IQCJ: variants seen among roughly 807,000 people sequenced by gnomAD.
The protein encoded by IQCJ is IQ domain-containing protein J.
A neutral mutation model predicts 11.0 loss-of-function variants in IQCJ; 9 were observed. The observed-to-expected ratio is 0.82, with a 90% confidence interval of 0.49 to 1.43. The LOEUF (loss-of-function observed/expected upper bound fraction) is 1.43, where lower values mean the gene tolerates loss of function less well. Among genes scored for constraint, IQCJ ranks in the 40% most tolerant of loss-of-function variants. The pLI is 0.00. For missense variants in IQCJ, 146 were observed against 133.2 expected, an observed-to-expected ratio of 1.10 and a Z score of -0.47; for synonymous variants, 55 against 51.3, an observed-to-expected ratio of 1.07 and a Z score of -0.31.
chr3:159,149,923 C>A (rs78207624), intron 1 of IQCJ, among the ~76,000 whole-genome samples: 132 of 152,298 alleles, frequency 8.7e-4, no homozygotes, highest in Middle Eastern at 6.8e-3. Context: ...ACTTTACCTG[C>A]CAGTATGCCA....
intron 1 of IQCJ, among the ~76,000 whole-genome samples, chr3:159,223,336 C>T (rs1023598634): frequency 3.3e-5 from 5 of 151,868 alleles, no homozygotes; most frequent in African/African-American, 1.2e-4. Context: ...ATAGATATAA[C>T]AAAACTATTT....
intron 1 of IQCJ, among the ~76,000 whole-genome samples, chr3:159,233,606 A>G (rs1726398128): frequency 6.6e-6 from 1 of 152,220 alleles, no homozygotes; most frequent in South Asian, 2.1e-4. Context: ...TTAATCATCA[A>G]GCTTTGAAAT....
chr3:159,244,635 G>C (rs1394410015), intron 1 of IQCJ, among the ~76,000 whole-genome samples: 1 of 152,194 alleles, frequency 6.6e-6, no homozygotes, highest in Non-Finnish European at 1.5e-5. Context: ...GGAGATACAG[G>C]ATTTTGCTGA....
intron 1 of IQCJ, among the ~76,000 whole-genome samples, chr3:159,150,017 TC>T (rs1560004031): frequency 1.3e-5 from 2 of 152,156 alleles, no homozygotes; most frequent in Non-Finnish European, 2.9e-5. Flanking sequence ...GCCTAGCACT[TC>T]CCACCCACCA....
intron 1 of IQCJ, among the ~76,000 whole-genome samples, chr3:159,107,375 T>C (rs750850622): frequency 6.6e-6 from 1 of 152,206 alleles, no homozygotes; most frequent in Non-Finnish European, 1.5e-5. Context: ...AGACAGCAAA[T>C]GTGCTGGCAC....
At chr3:159,198,714 A>T (rs1724140536) in intron 1 of IQCJ, among the ~76,000 whole-genome samples, 1 of 152,182 alleles carries the variant, frequency 6.6e-6, no homozygotes, top group Non-Finnish European at 1.5e-5. Flanking sequence ...AGACAAGATA[A>T]TCAAGCAAAA....
chr3:159,178,061 A>T (rs1041607490), intron 1 of IQCJ, among the ~76,000 whole-genome samples: 7 of 152,218 alleles, frequency 4.6e-5, no homozygotes, highest in Admixed American at 2.6e-4. Context: ...GAAGCAAAGC[A>T]AATATAGTTC....
At chr3:159,089,110 G>A (rs1717032778) in intron 1 of IQCJ, among the ~76,000 whole-genome samples, 1 of 152,152 alleles carries the variant, frequency 6.6e-6, no homozygotes, top group African/African-American at 2.4e-5. Flanking sequence ...TTTAGGGCAG[G>A]CCTGGTGGTG....
rs533156374 is a variant in IQCJ, at chr3:159,083,513, A to G, written c.9+14072A>G. 2.6e-5 allele frequency among the ~76,000 whole-genome samples: 4 copies of G among 152,280 alleles called. No individual in the cohort carries two copies. The East Asian group carries it at 5.8e-4, about 22-fold the overall frequency. On this transcript the variant is annotated intron_variant, in intron 1 of 3. Coordinates refer to ENST00000397832, the MANE Select transcript of IQCJ (RefSeq NM_001042706.3). ...ACTGGACCACTCAGACACTGGTGAG[A>G]ATATAATGTGGTACAACCACTCTAG...
intron 1 of IQCJ, among the ~76,000 whole-genome samples, chr3:159,078,746 T>G (rs1279840909): frequency 6.6e-6 from 1 of 152,130 alleles, no homozygotes; most frequent in Non-Finnish European, 1.5e-5. Context: ...TTAAGGAACC[T>G]CTAATAAAAT....
intron 1 of IQCJ, among the ~76,000 whole-genome samples, chr3:159,095,284 T>G (rs1285206105): frequency 6.6e-6 from 1 of 151,896 alleles, no homozygotes; most frequent in Non-Finnish European, 1.5e-5. Flanking sequence ...AGTGTTCTTA[T>G]TCCTGTATGC....
intron 1 of IQCJ, among the ~76,000 whole-genome samples, chr3:159,197,908 C>CA (rs943413742): frequency 6.6e-6 from 1 of 151,818 alleles, no homozygotes; most frequent in Non-Finnish European, 1.5e-5. Flanking sequence ...GAAACCAAAT[C>CA]AAAAATTTTT....
intron 1 of IQCJ, among the ~76,000 whole-genome samples, chr3:159,205,417 C>T (rs151080699): frequency 2.0e-5 from 3 of 152,250 alleles, no homozygotes; most frequent in Non-Finnish European, 2.9e-5. Context: ...AAACTGTATC[C>T]AAGCCTCAAT....
intron 1 of IQCJ, among the ~76,000 whole-genome samples, chr3:159,163,842 C>G (rs191299537): frequency 2.6e-5 from 4 of 152,294 alleles, no homozygotes; most frequent in South Asian, 4.1e-4. Context: ...AAAGCCCACA[C>G]CTGAACACTG....
intron 1 of IQCJ, among the ~76,000 whole-genome samples, chr3:159,070,856 C>T (rs371494166): frequency 6.6e-6 from 1 of 151,840 alleles, no homozygotes; most frequent in African/African-American, 2.4e-5. Flanking sequence ...AGTATTAATG[C>T]CATCTTGTAG....
chr3:159,207,562 A>G (rs1281957197), intron 1 of IQCJ, among the ~76,000 whole-genome samples: 2 of 152,308 alleles, frequency 1.3e-5, no homozygotes, highest in East Asian at 3.9e-4. Flanking sequence ...TGTTGCCTTG[A>G]TGGGTTTCAA....
chr3:159,146,275 A>C (rs1720921666), intron 1 of IQCJ, among the ~76,000 whole-genome samples: 1 of 152,164 alleles, frequency 6.6e-6, no homozygotes, highest in Admixed American at 6.6e-5. Context: ...AGGTGAGGGT[A>C]AGAAGGCTTT....
intron 1 of IQCJ, among the ~76,000 whole-genome samples, chr3:159,145,574 CTTT>C (rs34505741): frequency 2.6e-4 from 38 of 146,696 alleles, no homozygotes; most frequent in East Asian, 7.9e-4. Flanking sequence ...CTTTAGTATG[CTTT>C]TTTTTTTTTT....
chr3:159,224,503 G>A (rs1390638819), intron 1 of IQCJ, among the ~76,000 whole-genome samples: 1 of 152,076 alleles, frequency 6.6e-6, no homozygotes, highest in Non-Finnish European at 1.5e-5. Context: ...TTATAAATTT[G>A]TTTCATGTAA....
Sources: gnomAD v4.1 joint callset for allele counts (sites outside exome capture counted in the v4.1 genomes callset) on GRCh38, gnomAD v4.1.1 for gene constraint, MANE v1.5 for transcripts, NCBI Gene and HGNC (gene_info 2026-07-23, HGNC 2026-07-21) for gene names.